PTPRD: variants seen among roughly 807,000 people sequenced by gnomAD.
PTPRD encodes the protein protein tyrosine phosphatase receptor type D, also known as receptor-type tyrosine-protein phosphatase delta.
A neutral mutation model predicts 214.5 loss-of-function variants in PTPRD; 34 were observed. That is an observed-to-expected ratio of 0.16 (90% CI 0.12 to 0.21). The LOEUF (loss-of-function observed/expected upper bound fraction) is 0.21, where lower values mean the gene tolerates loss of function less well. Ranked by LOEUF, PTPRD falls within the 10% of genes least tolerant of loss-of-function variation. The pLI is 1.00. For missense variants in PTPRD, 2,545 were observed against 2,398.7 expected (o/e 1.06, Z -1.27); for synonymous variants, 1,128 against 845.7 (o/e 1.33, Z -5.79).
intron 10 of PTPRD, among the ~76,000 whole-genome samples, chr9:9,052,640 T>C (rs1376596153): frequency 6.6e-6 from 1 of 152,170 alleles, no homozygotes; most frequent in Non-Finnish European, 1.5e-5. Context: ...GGACTTTCCC[T>C]CTCCCATTCT....
chr9:9,103,041 G>C (rs1261446842), intron 10 of PTPRD, among the ~76,000 whole-genome samples: 1 of 152,152 alleles, frequency 6.6e-6, no homozygotes, highest in Admixed American at 6.5e-5. Context: ...GAAGCATGTA[G>C]TAATCAAACA....
At chr9:8,815,536 A>G (rs1033308377) in intron 11 of PTPRD, among the ~76,000 whole-genome samples, 8 of 152,202 alleles carry the variant, frequency 5.3e-5, no homozygotes, top group Non-Finnish European at 7.3e-5. Flanking sequence ...CATCAAAATA[A>G]AACAAAAACT....
chr9:9,008,803 C>G (rs1332683505), intron 11 of PTPRD, among the ~76,000 whole-genome samples: 1 of 152,094 alleles, frequency 6.6e-6, no homozygotes, highest in East Asian at 1.9e-4. Flanking sequence ...GTTACTATAA[C>G]TATTTTTGAG....
At chr9:8,469,054 C>T (rs2096601884) in intron 31 of PTPRD, among the ~76,000 whole-genome samples, 1 of 151,978 alleles carries the variant, frequency 6.6e-6, no homozygotes, top group East Asian at 1.9e-4. Flanking sequence ...AAGTGGGAAA[C>T]AACCCATCCC....
chr9:9,844,658 T>A (rs1458620668), intron 5 of PTPRD, among the ~76,000 whole-genome samples: 2 of 151,750 alleles, frequency 1.3e-5, no homozygotes, highest in Non-Finnish European at 2.9e-5. Context: ...CAATTAACAG[T>A]TATTAGCTTT....
At chr9:10,023,336 C>A (rs1358388420) in intron 4 of PTPRD, among the ~76,000 whole-genome samples, 1 of 152,112 alleles carries the variant, frequency 6.6e-6, no homozygotes, top group African/African-American at 2.4e-5. Context: ...CTGGGCCTCT[C>A]CAGCCATGCC....
At chr9:9,504,452 C>G (rs993895530) in intron 8 of PTPRD, among the ~76,000 whole-genome samples, 2 of 151,494 alleles carry the variant, frequency 1.3e-5, no homozygotes, top group African/African-American at 4.8e-5. Context: ...AAGCCATATC[C>G]CCAACACACA....
At chr9:10,116,014 A>G (rs560219399) in intron 3 of PTPRD, among the ~76,000 whole-genome samples, 1 of 152,212 alleles carries the variant, frequency 6.6e-6, no homozygotes, top group South Asian at 2.1e-4. Flanking sequence ...AGATATAGGC[A>G]TATTCATGTT....
Position 8,465,162 on chromosome 9 carries a change from G to A in PTPRD, c.3714+304C>T, listed in dbSNP as rs192546714. Reference sequence around the variant, plus strand: ...ATGGAAGGAGATTGTAAGCAATGATGGTTCTAACACCATGATATTTGTGTT... The same window carrying A: ...ATGGAAGGAGATTGTAAGCAATGATAGTTCTAACACCATGATATTTGTGTT... On this transcript the variant is annotated intron_variant, in intron 32 of 45. Transcript: ENST00000381196. Among the ~76,000 whole-genome samples, 10 of 151,982 alleles carry A rather than the reference G, an allele frequency of 6.6e-5. No homozygotes were observed. The East Asian group carries it at 1.9e-3, about 29-fold the overall frequency.
rs146005995 is a variant in PTPRD at position 8,996,756 on chromosome 9, T to G, written c.-104+21941A>C. ...CAGTAATTCCTTTAGCCAAACAGGC[T>G]GAGCCTCATGGCCTAATCACCTCCC... On this transcript the variant is annotated intron_variant, in intron 11 of 45. Coordinates refer to ENST00000381196, the MANE Select transcript of PTPRD (RefSeq NM_002839.4). Among the ~76,000 whole-genome samples, 3 of 152,054 alleles carry G rather than the reference T, an allele frequency of 2.0e-5. No homozygotes were observed. The South Asian group carries it at 6.2e-4, about 32-fold the overall frequency.
chr9:9,867,115 C>G (rs2064167889), intron 5 of PTPRD, among the ~76,000 whole-genome samples: 1 of 152,076 alleles, frequency 6.6e-6, no homozygotes, highest in African/African-American at 2.4e-5. Flanking sequence ...GCTACTGTTC[C>G]AATTAACGGA....
intron 14 of PTPRD, among the ~76,000 whole-genome samples, chr9:8,603,317 G>GA (rs947800272): frequency 6.6e-6 from 1 of 151,960 alleles, no homozygotes; most frequent in Non-Finnish European, 1.5e-5. Context: ...AATTGCAAAA[G>GA]AAAAAAATCT....
At chr9:9,704,464 T>A (rs1464212705) in intron 7 of PTPRD, among the ~76,000 whole-genome samples, 2 of 152,268 alleles carry the variant, frequency 1.3e-5, no homozygotes, top group Non-Finnish European at 1.5e-5. Context: ...ATTCCCCATG[T>A]ATGGTGGTTG....
At position 8,341,249 on chromosome 9, in the gene PTPRD, G is replaced by A. The variant is rs1852129683; in HGVS notation, c.4967C>T (p.Ala1656Val). The A allele has an allele frequency of 6.2e-7, 1 of 1,609,576 alleles. No homozygotes were observed. The change falls in exon 41 of 46, where the codon GCT (alanine) becomes GTT (valine). Residue 1656 changes from alanine to valine, a missense_variant. Ala to Val is a moderately conservative substitution (Grantham distance 64, BLOSUM62 0). Coordinates refer to ENST00000381196, the MANE Select transcript of PTPRD (RefSeq NM_002839.4). ...LEFKRLASSK[A>V]HTSRFISANL... The stretch of plus-strand genomic sequence containing the variant: ...GGCACTGATAAACCTTGAGGTGTGA[G>A]CTTTTGAGCTGGCTAGACGCTGTTG...
intron 3 of PTPRD, among the ~76,000 whole-genome samples, chr9:10,303,807 G>A (rs1265874714): frequency 2.0e-5 from 3 of 152,122 alleles, no homozygotes; most frequent in Admixed American, 2.0e-4. Flanking sequence ...GGACCAGATG[G>A]ATTCACAGCC....
chr9:10,559,892 TAA>T (rs1387699437), intron 2 of PTPRD, among the ~76,000 whole-genome samples: 1 of 152,008 alleles, frequency 6.6e-6, no homozygotes, highest in African/African-American at 2.4e-5. Context: ...TGGCAATCAT[TAA>T]AAAGTCAGGA....
intron 2 of PTPRD, among the ~76,000 whole-genome samples, chr9:10,372,961 T>C (rs2097658041): frequency 6.6e-6 from 1 of 151,230 alleles, no homozygotes; most frequent in Admixed American, 6.6e-5. Context: ...ACCTCCTGAG[T>C]AGCTTGGGTT....
intron 9 of PTPRD, among the ~76,000 whole-genome samples, chr9:9,266,153 A>T (rs1443685351): frequency 6.6e-6 from 1 of 151,556 alleles, no homozygotes; most frequent in Non-Finnish European, 1.5e-5. Context: ...AAGTCATTTT[A>T]TAATGATAAA....
chr9:8,732,616 A>G (rs1199427532), intron 12 of PTPRD, among the ~76,000 whole-genome samples: 1 of 152,222 alleles, frequency 6.6e-6, no homozygotes, highest in Non-Finnish European at 1.5e-5. Context: ...CCAAGTGCTA[A>G]TTAGGAAACT....
Sources: allele counts gnomAD v4.1 joint callset (sites outside exome capture counted in the v4.1 genomes callset), GRCh38; gene constraint gnomAD v4.1.1; transcripts MANE v1.5; gene names NCBI Gene and HGNC (gene_info 2026-07-23, HGNC 2026-07-21).